PAK2: variants seen among roughly 807,000 people sequenced by gnomAD.
The protein encoded by PAK2 is p21 (RAC1) activated kinase 2.
PAK2 carries 21 observed loss-of-function variants against 65.9 expected under a neutral mutation model. The ratio of observed to expected loss-of-function variants is 0.32; its 90% CI spans 0.23 to 0.46. The LOEUF is 0.46. Among genes scored for constraint, PAK2 ranks in the 20% least tolerant of loss-of-function variants. The pLI is 1.00. For synonymous variants in PAK2, 204 were observed against 219.7 expected, an observed-to-expected ratio of 0.93 and a Z score of 0.63; for missense variants, 324 against 642.6, an observed-to-expected ratio of 0.50 and a Z score of 5.36.
At chr3:196,788,652 G>T (rs1714973705) in intron 2 of PAK2, among the ~76,000 whole-genome samples, 1 of 152,196 alleles carries the variant, frequency 6.6e-6, no homozygotes, top group African/African-American at 2.4e-5. Context: ...TGGTACAGAG[G>T]CAGTGCACAA....
intron 1 of PAK2, among the ~76,000 whole-genome samples, chr3:196,751,063 C>G (rs1713563927): frequency 6.6e-6 from 1 of 152,114 alleles, no homozygotes; most frequent in African/African-American, 2.4e-5. Flanking sequence ...CCCCAGTAGC[C>G]TATCTCTAAT....
intron 1 of PAK2, among the ~76,000 whole-genome samples, chr3:196,771,599 G>T (rs1444135933): frequency 2.6e-5 from 4 of 151,724 alleles, no homozygotes. Flanking sequence ...TTGCTCTGTT[G>T]CCCAGGCTGG....
At chr3:196,769,505 A>G (rs1179460312) in intron 1 of PAK2, among the ~76,000 whole-genome samples, 2 of 151,772 alleles carry the variant, frequency 1.3e-5, no homozygotes, top group South Asian at 4.1e-4. Flanking sequence ...CATTTTCATC[A>G]TCCCAAGCAG....
intron 4 of PAK2, among the ~76,000 whole-genome samples, chr3:196,804,250 T>C (rs940412679): frequency 2.6e-5 from 4 of 152,158 alleles, no homozygotes; most frequent in African/African-American, 9.7e-5. Context: ...AAGGGAGAAA[T>C]AGAAATCTTT....
chr3:196,798,002 G>T (rs903049518), intron 2 of PAK2, among the ~76,000 whole-genome samples: 2 of 152,148 alleles, frequency 1.3e-5, no homozygotes, highest in Admixed American at 6.5e-5. Context: ...CATATTAGAA[G>T]AAAAGATTTT....
chr3:196,789,542 A>C (rs570934772), intron 2 of PAK2, among the ~76,000 whole-genome samples: 1 of 151,498 alleles, frequency 6.6e-6, no homozygotes, highest in Non-Finnish European at 1.5e-5. Flanking sequence ...AGCTCACTGC[A>C]ACCTCCGCCT....
At chr3:196,749,346 C>CA (rs140740358) in intron 1 of PAK2, among the ~76,000 whole-genome samples, 4,328 of 152,176 alleles carry the variant, frequency 0.028, 84 homozygotes, top group Non-Finnish European at 0.042. Flanking sequence ...GCGCCTGTAT[C>CA]ACTTCACGTT....
At chr3:196,823,940 C>G (rs986392246) in intron 13 of PAK2, among the ~76,000 whole-genome samples, 1 of 152,030 alleles carries the variant, frequency 6.6e-6, no homozygotes, top group African/African-American at 2.4e-5. Flanking sequence ...TCAGAAGACA[C>G]TATGAATCTA....
At chr3:196,754,961 A>G (rs888394222) in intron 1 of PAK2, among the ~76,000 whole-genome samples, 2 of 152,198 alleles carry the variant, frequency 1.3e-5, no homozygotes, top group African/African-American at 4.8e-5. Context: ...GGGAGAGACA[A>G]GATATCTTCA....
intron 2 of PAK2, among the ~76,000 whole-genome samples, chr3:196,787,050 C>T (rs189579237): frequency 6.6e-6 from 1 of 151,990 alleles, no homozygotes; most frequent in African/African-American, 2.4e-5. Context: ...TCTCAAACTC[C>T]TGAGCTCAAA....
intron 1 of PAK2, among the ~76,000 whole-genome samples, chr3:196,778,868 G>C (rs1304259597): frequency 6.6e-6 from 1 of 152,220 alleles, no homozygotes; most frequent in Non-Finnish European, 1.5e-5. Context: ...TCGTGATTAG[G>C]CTGGGGCTGT....
In PAK2 at chr3:196,739,905, C is replaced by G. The variant is rs756342562; in HGVS notation, c.-274C>G. 2 of 152,258 alleles carry G rather than the reference C, an allele frequency of 1.3e-5. No individual in the cohort carries two copies. The highest frequency in any genetic ancestry group is 1.5e-5 in the Non-Finnish European group (1 of 68,152). 9.4% of individuals were successfully genotyped at this position (152,258 alleles called of 1,614,324 possible). ...CCACGCGCAGCGGCGGCGGTTGTTC[C>G]GCTTCCCCTCCGGCCCGGGCCGTCG... On this transcript the variant is annotated 5_prime_UTR_variant, in exon 1 of 15. Coordinates refer to ENST00000327134, the MANE Select transcript of PAK2 (RefSeq NM_002577.4).
rs1712066961 is a variant in PAK2 at position 196,831,120 on chromosome 3, TCAGG to T, written c.*2719_*2722del. ...CCAGGCTGGTCTCCAACTCCTGAGC[TCAGG>T]CAGTCTGCCCACCTTGGCCTCCCAA... On this transcript the variant is annotated 3_prime_UTR_variant, in exon 15 of 15. Coordinates refer to ENST00000327134, the MANE Select transcript of PAK2 (RefSeq NM_002577.4). The T allele has an allele frequency of 6.6e-6, 1 of 152,202 alleles. No individual in the cohort carries two copies. The highest frequency in any genetic ancestry group is 2.4e-5 in the African/African-American group (1 of 41,454). 9.4% of individuals were successfully genotyped at this position (152,202 alleles called of 1,614,324 possible).
At chr3:196,808,104 G>C (rs75385694) in intron 7 of PAK2, 190 bp downstream of exon 7, 2 of 480,980 alleles carry the variant, frequency 4.2e-6, no homozygotes, top group Non-Finnish European at 7.3e-6. Flanking sequence ...CCCAGCACTA[G>C]GTCAGGAGAT....
At chr3:196,745,898 G>A (rs941557491) in intron 1 of PAK2, among the ~76,000 whole-genome samples, 13 of 150,444 alleles carry the variant, frequency 8.6e-5, no homozygotes, top group Admixed American at 7.3e-4. Context: ...TTCAGTAAAC[G>A]TCTTTATTTT....
At chr3:196,781,301 T>C (rs1339400586) in intron 1 of PAK2, among the ~76,000 whole-genome samples, 2 of 152,218 alleles carry the variant, frequency 1.3e-5, no homozygotes, top group Admixed American at 6.5e-5. Context: ...TTCTAACATA[T>C]GGTTTTGTAT....
intron 2 of PAK2, among the ~76,000 whole-genome samples, chr3:196,798,295 C>T (rs1297577582): frequency 2.0e-5 from 3 of 151,678 alleles, no homozygotes; most frequent in African/African-American, 2.4e-5. Context: ...ACAGATTTTA[C>T]AGATATTAAA....
At chr3:196,761,836 ACC>A (rs71161960) in intron 1 of PAK2, among the ~76,000 whole-genome samples, 6 of 136,006 alleles carry the variant, frequency 4.4e-5, no homozygotes, top group African/African-American at 1.4e-4. Context: ...CGGGGGGCTG[ACC>A]CCCCCCCACC....
At chr3:196,761,410 C>T (rs1324892470) in intron 1 of PAK2, among the ~76,000 whole-genome samples, 1 of 71,150 alleles carries the variant, frequency 1.4e-5, no homozygotes, top group African/African-American at 5.6e-5. Context: ...CATCTTGCAC[C>T]GCCCTTAATC....
Sources: gnomAD v4.1 joint callset for allele counts (sites outside exome capture counted in the v4.1 genomes callset) on GRCh38, gnomAD v4.1.1 for gene constraint, MANE v1.5 for transcripts, NCBI Gene and HGNC (gene_info 2026-07-23, HGNC 2026-07-21) for gene names.